ADGRB3: variants seen among roughly 807,000 people sequenced by gnomAD.
ADGRB3 encodes adhesion G protein-coupled receptor B3.
Under a neutral mutation model 193.4 loss-of-function variants are expected in ADGRB3, and 37 were observed. The ratio of observed to expected loss-of-function variants is 0.19; its 90% CI spans 0.15 to 0.25. The LOEUF (loss-of-function observed/expected upper bound fraction) is 0.25. Among genes scored for constraint, ADGRB3 ranks in the 10% least tolerant of loss-of-function variants. ADGRB3 has a pLI of 1.00. For missense variants in ADGRB3, 1,637 were observed against 1,852.9 expected, an observed-to-expected ratio of 0.88 and a Z score of 2.14; for synonymous variants, 690 against 644.2, an observed-to-expected ratio of 1.07 and a Z score of -1.08.
At chr6:68,647,409 A>C (rs1768242405) in intron 3 of ADGRB3, among the ~76,000 whole-genome samples, 1 of 152,144 alleles carries the variant, frequency 6.6e-6, no homozygotes, top group African/African-American at 2.4e-5. Context: ...AAATCAGCAC[A>C]GTTTTGGAAA....
intron 28 of ADGRB3, among the ~76,000 whole-genome samples, chr6:69,359,605 C>G (rs1219353029): frequency 1.3e-5 from 2 of 151,728 alleles, no homozygotes; most frequent in Admixed American, 1.3e-4. Flanking sequence ...CAGGGAAAGA[C>G]ATAATCTTTT....
intron 3 of ADGRB3, among the ~76,000 whole-genome samples, chr6:68,878,670 G>T (rs1765654151): frequency 6.6e-6 from 1 of 152,108 alleles, no homozygotes; most frequent in African/African-American, 2.4e-5. Context: ...GACCATTTCA[G>T]TTTTTGTCAC....
intron 3 of ADGRB3, among the ~76,000 whole-genome samples, chr6:68,713,719 C>T (rs1225967236): frequency 2.0e-5 from 3 of 151,286 alleles, no homozygotes; most frequent in Admixed American, 6.6e-5. Context: ...CCAACAGTAG[C>T]GAAGTATAAC....
chr6:69,347,235 A>G (rs1769115817), intron 26 of ADGRB3, among the ~76,000 whole-genome samples: 1 of 152,178 alleles, frequency 6.6e-6, no homozygotes, highest in South Asian at 2.1e-4. Context: ...GAGGGATAGC[A>G]TTAGGAGAAA....
intron 3 of ADGRB3, among the ~76,000 whole-genome samples, chr6:68,846,509 T>C (rs1430420553): frequency 6.6e-6 from 1 of 152,240 alleles, no homozygotes; most frequent in Non-Finnish European, 1.5e-5. Flanking sequence ...CCATGCTGTA[T>C]GAAGCCCAGG....
intron 26 of ADGRB3, among the ~76,000 whole-genome samples, chr6:69,340,524 A>G (rs992893216): frequency 2.0e-5 from 3 of 152,216 alleles, no homozygotes; most frequent in Non-Finnish European, 4.4e-5. Flanking sequence ...ACGTATGAGT[A>G]TAAACCCTAT....
At chr6:68,650,607 G>A (rs1768339784) in intron 3 of ADGRB3, among the ~76,000 whole-genome samples, 1 of 152,048 alleles carries the variant, frequency 6.6e-6, no homozygotes, top group Non-Finnish European at 1.5e-5. Flanking sequence ...AATTTTGGTT[G>A]CTGTTCAAGT....
rs1770135726 is a variant in ADGRB3 at position 69,388,952 on chromosome 6, G to A, written c.*61G>A. On this transcript the variant is annotated 3_prime_UTR_variant, in exon 32 of 32. Transcript: ENST00000370598. ...TATTGCACTGACACTTAAGACTTGG[G>A]AAGCCTGACATTTCTATCTGGACAG... 2.7e-6 allele frequency: 4 copies of A among 1,491,826 alleles called. No homozygotes were observed. The highest frequency in any genetic ancestry group is 1.4e-5 in the African/African-American group (1 of 71,132). The allele number at this position is 1,491,826 out of a possible 1,614,324, so 92.4% of individuals were successfully genotyped here. A position where few individuals can be genotyped will look rare whatever the true frequency, so the allele number is the denominator to read the frequency against.
chr6:69,245,672 G>A (rs1766483845), intron 20 of ADGRB3, among the ~76,000 whole-genome samples: 1 of 151,880 alleles, frequency 6.6e-6, no homozygotes, highest in African/African-American at 2.4e-5. Flanking sequence ...CTGACTTCCT[G>A]TCTTTATTTG....
intron 17 of ADGRB3, among the ~76,000 whole-genome samples, chr6:69,195,815 A>G (rs967008615): frequency 1.3e-5 from 2 of 152,196 alleles, no homozygotes; most frequent in African/African-American, 2.4e-5. Context: ...ACGTTTCTCA[A>G]TATCAGTTTA....
chr6:69,136,276 T>C (rs1279474210), intron 17 of ADGRB3, among the ~76,000 whole-genome samples: 4 of 152,102 alleles, frequency 2.6e-5, no homozygotes, highest in Admixed American at 2.6e-4. Flanking sequence ...ATCTCTCTCA[T>C]ATTCTATATG....
chr6:68,745,788 T>C (rs1371743873), intron 3 of ADGRB3, among the ~76,000 whole-genome samples: 1 of 152,082 alleles, frequency 6.6e-6, no homozygotes, highest in African/African-American at 2.4e-5. Context: ...TAGTTATGGC[T>C]TTCCCTTTGA....
intron 3 of ADGRB3, among the ~76,000 whole-genome samples, chr6:68,670,951 GT>G (rs1209826205): frequency 6.6e-6 from 1 of 151,618 alleles, no homozygotes; most frequent in African/African-American, 2.4e-5. Context: ...ATATTTTATA[GT>G]TTTTTTATGG....
chr6:69,263,638 A>G lies in ADGRB3; in HGVS notation c.2814+24412A>G, dbSNP rs1766974591. On this transcript the variant is annotated intron_variant, in intron 20 of 31. Transcript: ENST00000370598. The stretch of plus-strand genomic sequence containing the variant: ...TGAAAACTGCAGCCCTTGAATTTCC[A>G]AGTCTGTCTTAAATGTGGGAGGGTC... Among the ~76,000 whole-genome samples the G allele has an allele frequency of 2.0e-5, 3 of 152,110 alleles. No individual in the cohort carries two copies. The South Asian group carries it at 6.2e-4, about 32-fold the overall frequency.
intron 17 of ADGRB3, among the ~76,000 whole-genome samples, chr6:69,092,165 A>G (rs1441484158): frequency 1.3e-5 from 2 of 152,228 alleles, no homozygotes; most frequent in Admixed American, 1.3e-4. Context: ...CCTCCTTTTA[A>G]CCTATTTAAA....
chr6:68,791,514 GA>G (rs34503562), intron 3 of ADGRB3, among the ~76,000 whole-genome samples: 2 of 151,200 alleles, frequency 1.3e-5, no homozygotes, highest in African/African-American at 2.4e-5. Context: ...TTCCTCCTGG[GA>G]AAAAAAAATT....
intron 16 of ADGRB3, 56 bp from the exon 17 acceptor site, chr6:69,075,939 A>C: frequency 7.5e-7 from 1 of 1,325,444 alleles, no homozygotes; most frequent in Non-Finnish European, 1.1e-6. Context: ...ATAATCCCTC[A>C]ATCTTTTTAT....
At chr6:69,276,367 G>T (rs1418116282) in intron 20 of ADGRB3, among the ~76,000 whole-genome samples, 1 of 152,168 alleles carries the variant, frequency 6.6e-6, no homozygotes, top group Non-Finnish European at 1.5e-5. Flanking sequence ...TCTGTGGTCA[G>T]GAGACATTCC....
At chr6:68,773,722 T>C (rs1175889622) in intron 3 of ADGRB3, among the ~76,000 whole-genome samples, 3 of 152,108 alleles carry the variant, frequency 2.0e-5, no homozygotes, top group Non-Finnish European at 4.4e-5. Flanking sequence ...TAGTCCAGAT[T>C]TGGAGGATCA....
Sources: gnomAD v4.1 joint callset for allele counts (sites outside exome capture counted in the v4.1 genomes callset) on GRCh38, gnomAD v4.1.1 for gene constraint, MANE v1.5 for transcripts, NCBI Gene and HGNC (gene_info 2026-07-23, HGNC 2026-07-21) for gene names.